HORMAD2: variants seen among roughly 807,000 people sequenced by gnomAD.
The protein encoded by HORMAD2 is HORMA domain containing 2.
In HORMAD2, 45 loss-of-function variants were observed where a neutral mutation model predicts 38.8. The observed-to-expected ratio is 1.16, with a 90% CI of 0.91 to 1.49. The LOEUF (loss-of-function observed/expected upper bound fraction) is 1.49. Ranked by LOEUF, HORMAD2 falls within the 40% of genes most tolerant of loss-of-function variation. The pLI is 0.00. For synonymous variants in HORMAD2, 126 were observed against 122.8 expected (o/e 1.03, Z -0.17); for missense variants, 338 against 367.0 (o/e 0.92, Z 0.65).
downstream of HORMAD2, among the ~76,000 whole-genome samples, chr22:30,180,866 TTC>T (rs1407964998): frequency 4.2e-5 from 5 of 117,982 alleles, no homozygotes; most frequent in South Asian, 1.0e-3. Context: ...TTCCCTTCCC[TTC>T]TTCCCTTCCC....
At chr22:30,172,767 A>G (rs910985522) in intron 10 of HORMAD2, among the ~76,000 whole-genome samples, 2 of 152,078 alleles carry the variant, frequency 1.3e-5, no homozygotes, top group Non-Finnish European at 2.9e-5. Context: ...GGGTACCTGT[A>G]ATCCCAGCTA....
the HORMAD2 span, among the ~76,000 whole-genome samples, chr22:30,199,404 C>T: frequency 2.6e-5 from 4 of 152,208 alleles, no homozygotes; most frequent in East Asian, 3.8e-4. Context: ...GTAGAAATGA[C>T]GTTCTGTGCT....
At chr22:30,144,641 T>G (rs991530431) in intron 10 of HORMAD2, among the ~76,000 whole-genome samples, 6 of 151,730 alleles carry the variant, frequency 4.0e-5, no homozygotes, top group African/African-American at 1.5e-4. Flanking sequence ...GGGGGGACAG[T>G]AGACTCAGAT....
the HORMAD2 span, among the ~76,000 whole-genome samples, chr22:30,206,693 G>A: frequency 6.6e-6 from 1 of 151,402 alleles, no homozygotes; most frequent in African/African-American, 2.4e-5. Flanking sequence ...TGTTGCCCAG[G>A]CTGGTCTCAA....
At chr22:30,116,390 G>C (rs1922047537) in intron 7 of HORMAD2, among the ~76,000 whole-genome samples, 1 of 152,144 alleles carries the variant, frequency 6.6e-6, no homozygotes, top group Admixed American at 6.5e-5. Flanking sequence ...ACTACTTTTG[G>C]CTGCAGAACA....
chr22:30,082,780 C>T (rs1440240560), intron 1 of HORMAD2, among the ~76,000 whole-genome samples: 1 of 140,788 alleles, frequency 7.1e-6, no homozygotes, highest in Non-Finnish European at 1.5e-5. Context: ...CATGCCACCG[C>T]ACTTTACTCT....
chr22:30,148,340 A>C (rs1239356394), intron 10 of HORMAD2, among the ~76,000 whole-genome samples: 1 of 152,242 alleles, frequency 6.6e-6, no homozygotes, highest in Non-Finnish European at 1.5e-5. Flanking sequence ...AACTAACTTT[A>C]TAATGAATGG....
intron 5 of HORMAD2, among the ~76,000 whole-genome samples, 152 bp from the exon 6 acceptor site, chr22:30,111,644 T>C (rs1921663630): frequency 6.6e-6 from 1 of 152,220 alleles, no homozygotes; most frequent in African/African-American, 2.4e-5. Context: ...GAGGGATGAC[T>C]GTATCCTTTT....
At chr22:30,093,857 G>A (rs981687595) in intron 1 of HORMAD2, 59 bp from the exon 2 acceptor site, 16 of 813,990 alleles carry the variant, frequency 2.0e-5, no homozygotes, top group Non-Finnish European at 2.7e-5. Context: ...TTTGGGCAGA[G>A]TAAGAGAGGA....
At chr22:30,157,093 A>T (rs537827707) in intron 10 of HORMAD2, among the ~76,000 whole-genome samples, 1 of 152,320 alleles carries the variant, frequency 6.6e-6, no homozygotes, top group East Asian at 1.9e-4. Context: ...TCTCTTGGCC[A>T]CATCTCACTC....
intron 10 of HORMAD2, among the ~76,000 whole-genome samples, chr22:30,160,815 G>A (rs1925397285): frequency 6.6e-6 from 1 of 152,154 alleles, no homozygotes; most frequent in South Asian, 2.1e-4. Flanking sequence ...TTTTTTCAAA[G>A]CTAGATCAGG....
At chr22:30,161,167 G>T (rs1218295070) in intron 10 of HORMAD2, among the ~76,000 whole-genome samples, 1 of 152,098 alleles carries the variant, frequency 6.6e-6, no homozygotes, top group African/African-American at 2.4e-5. Context: ...ATGACCTGAG[G>T]TTTAGATATT....
chr22:30,152,655 T>C (rs1163417474), intron 10 of HORMAD2, among the ~76,000 whole-genome samples: 2 of 152,190 alleles, frequency 1.3e-5, no homozygotes, highest in Non-Finnish European at 2.9e-5. Context: ...ATTGATGATA[T>C]ACTCATTTTA....
rs140901458 is a variant in HORMAD2, at chr22:30,175,950, T to G, written c.820-113T>G. 685 of 675,658 alleles carry G rather than the reference T, an allele frequency of 1.0e-3. 11 individuals are homozygous for G. The African/African-American group carries it at 0.011, about 11-fold the overall frequency. The allele number at this position is 675,658 out of a possible 1,614,324, so 41.9% of individuals were successfully genotyped here. On this transcript the variant is annotated intron_variant, in intron 10 of 10. Coordinates refer to ENST00000336726, the MANE Select transcript of HORMAD2 (RefSeq NM_152510.4). The stretch of plus-strand genomic sequence containing the variant: ...AAACCAGCCCACAGGAAAGCAGGTT[T>G]GGATCCGTTATGCAGCTTGAGGGAT...
intron 8 of HORMAD2, among the ~76,000 whole-genome samples, chr22:30,120,099 C>T (rs1393845847): frequency 3.3e-5 from 5 of 152,186 alleles, no homozygotes; most frequent in African/African-American, 1.2e-4. Context: ...CTCTTTTGTT[C>T]TGAAGGCACA....
the HORMAD2 span, among the ~76,000 whole-genome samples, chr22:30,203,823 C>T: frequency 2.0e-5 from 3 of 152,204 alleles, no homozygotes; most frequent in South Asian, 2.1e-4. Context: ...CACACACAAA[C>T]GTGCACTCTG....
the HORMAD2 span, among the ~76,000 whole-genome samples, chr22:30,201,098 G>A: frequency 6.6e-6 from 1 of 152,124 alleles, no homozygotes. Flanking sequence ...TGAAATCAAG[G>A]TGTCAGCTGG....
chr22:30,113,713 C>T (rs1921834334), intron 7 of HORMAD2, among the ~76,000 whole-genome samples: 1 of 152,128 alleles, frequency 6.6e-6, no homozygotes, highest in Non-Finnish European at 1.5e-5. Flanking sequence ...TCTTTACTTT[C>T]AATTTTCCTT....
chr22:30,207,324 C>G, the HORMAD2 span, among the ~76,000 whole-genome samples: 11 of 152,276 alleles, frequency 7.2e-5, no homozygotes, highest in East Asian at 7.7e-4. Context: ...CAGGCCCAGA[C>G]ACTCCGTGCC....
Sources: gnomAD v4.1 joint callset for allele counts (sites outside exome capture counted in the v4.1 genomes callset) on GRCh38, gnomAD v4.1.1 for gene constraint, MANE v1.5 for transcripts, NCBI Gene and HGNC (gene_info 2026-07-23, HGNC 2026-07-21) for gene names.